Variants in NCAPG observed in about 807,000 individuals in gnomAD.
NCAPG encodes condensin complex subunit 3.
NCAPG carries 69 observed loss-of-function variants against 113.1 expected under a neutral mutation model. The observed-to-expected ratio is 0.61, with a 90% CI of 0.50 to 0.75. NCAPG has a LOEUF of 0.75. NCAPG is among the 30% of genes least tolerant of loss of function. The pLI, the probability that NCAPG is intolerant of heterozygous loss-of-function variation, is 0.00. For synonymous variants in NCAPG, 370 were observed against 415.8 expected (o/e 0.89, Z 1.34); for missense variants, 1,058 against 1,177.0 (o/e 0.90, Z 1.48).
At chr4:17,838,046 C>T (rs544823640) in intron 16 of NCAPG, among the ~76,000 whole-genome samples, 2 of 152,252 alleles carry the variant, frequency 1.3e-5, no homozygotes, top group East Asian at 3.9e-4. Flanking sequence ...CACACCATGC[C>T]CACCTAGTAC....
At chr4:17,812,152 C>G in intron 1 of NCAPG, 69 bp from the exon 2 acceptor site, 1 of 1,166,532 alleles carries the variant, frequency 8.6e-7, no homozygotes, top group Non-Finnish European at 1.3e-6. Context: ...TTTCATCAGT[C>G]TTAGGGTGAT....
At chr4:17,812,769 T>G in intron 2 of NCAPG, 148 bp from the exon 3 acceptor site, 2 of 668,662 alleles carry the variant, frequency 3.0e-6, no homozygotes, top group Non-Finnish European at 5.1e-6. Context: ...TTGCTATACA[T>G]ATGGACCAAG....
intron 9 of NCAPG, among the ~76,000 whole-genome samples, chr4:17,824,095 AC>A (rs1721562629): frequency 1.3e-5 from 2 of 152,218 alleles, no homozygotes; most frequent in South Asian, 2.1e-4. Context: ...AATTGTACAT[AC>A]TAGGGTTTAG....
At chr4:17,824,905 G>C in intron 9 of NCAPG, 63 bp from the exon 10 acceptor site, 1 of 1,189,732 alleles carries the variant, frequency 8.4e-7, no homozygotes, top group Non-Finnish European at 1.2e-6. Flanking sequence ...GTTTTATATA[G>C]AATTTTGATA....
chr4:17,811,001 G>A lies in NCAPG; in HGVS notation c.-77G>A. ...GCTGTCATAGAAGACTACTCGGAGA[G>A]CGCTGCCTCTGGGTTGGCGGGCTGG... On this transcript the variant is annotated 5_prime_UTR_variant, in exon 1 of 21. Coordinates refer to ENST00000251496, the MANE Select transcript of NCAPG (RefSeq NM_022346.5). The surrounding 1 kb of genome is among the most constrained non-coding windows in gnomAD (Gnocchi z 5.3). The A allele has an allele frequency of 1.2e-6, 1 of 823,750 alleles. No homozygotes were observed. The highest frequency in any genetic ancestry group is 3.6e-5 in the Admixed American group (1 of 28,152). The allele number at this position is 823,750 out of a possible 1,614,324, so 51.0% of individuals were successfully genotyped here. A position where few individuals can be genotyped will look rare whatever the true frequency, so the allele number is the denominator to read the frequency against.
rs898518440 is a variant in NCAPG at position 17,835,755 on chromosome 4, G to A, written c.2109+1232G>A. Among the ~76,000 whole-genome samples the A allele has an allele frequency of 2.6e-5, 4 of 152,086 alleles. No individual in the cohort carries two copies. In the East Asian group the frequency reaches 7.7e-4, roughly 29 times the overall value. On this transcript the variant is annotated intron_variant, in intron 14 of 20. Transcript: ENST00000251496. ...ACCTCTGTTTAGCTTTTTAAATTTA[G>A]CATAACATTTTCGAGATTCATCCAC...
intron 19 of NCAPG, 144 bp from the exon 20 acceptor site, chr4:17,842,166 C>A: frequency 1.6e-6 from 1 of 610,054 alleles, no homozygotes. Context: ...ATAACTGGTA[C>A]CAAGATGGCT....
intron 12 of NCAPG, 58 bp downstream of exon 12, chr4:17,828,446 G>T: frequency 1.1e-6 from 1 of 941,804 alleles, no homozygotes; most frequent in Non-Finnish European, 1.6e-6. Context: ...TTTTGTAAGT[G>T]ATATGTTCTT....
intron 12 of NCAPG, among the ~76,000 whole-genome samples, 198 bp from the exon 13 acceptor site, chr4:17,830,799 G>A (rs1204432889): frequency 6.6e-6 from 1 of 152,096 alleles, no homozygotes; most frequent in Admixed American, 6.6e-5. Flanking sequence ...AAACCATTGA[G>A]TCCCTTTTAG....
At chr4:17,841,159 C>CTATT (rs1722364740) in intron 19 of NCAPG, 1 of 151,904 alleles carries the variant, frequency 6.6e-6, no homozygotes, top group Admixed American at 6.6e-5. Context: ...TAAATGCTGA[C>CTATT]TATTAGGGGG....
intron 19 of NCAPG, among the ~76,000 whole-genome samples, chr4:17,841,032 T>A (rs982401135): frequency 6.6e-6 from 1 of 152,024 alleles, no homozygotes; most frequent in African/African-American, 2.4e-5. Context: ...TAAGCATTTT[T>A]AAAAAATCCC....
In NCAPG at chr4:17,823,812, A is replaced by G. The variant is rs753844106; in HGVS notation, c.1383+42A>G. On this transcript the variant is annotated intron_variant, in intron 9 of 20. Transcript: ENST00000251496. The stretch of plus-strand genomic sequence containing the variant: ...ATTGTTGATAAAGAGGTTTTGGTCA[A>G]TGACATTGAATACTGTCTTATTTTC... 6.7e-6 allele frequency: 10 copies of G among 1,491,994 alleles called. No homozygotes were observed. In the Admixed American group the frequency reaches 9.2e-5, roughly 14 times the overall value. 92.4% of individuals were successfully genotyped at this position (1,491,994 alleles called of 1,614,324 possible). A position where few individuals can be genotyped will look rare whatever the true frequency, so the allele number is the denominator to read the frequency against.
chr4:17,816,864 A>G (rs1470577458), intron 5 of NCAPG, among the ~76,000 whole-genome samples: 1 of 152,018 alleles, frequency 6.6e-6, no homozygotes, highest in Non-Finnish European at 1.5e-5. Flanking sequence ...GCTGGGCGCT[A>G]TGGCTCACAC....
chr4:17,823,416 T>C (rs1487937095), intron 8 of NCAPG, among the ~76,000 whole-genome samples: 1 of 152,118 alleles, frequency 6.6e-6, no homozygotes, highest in Non-Finnish European at 1.5e-5. Flanking sequence ...TTTTGTCATT[T>C]TATCATGTTG....
chr4:17,837,681 C>T lies in NCAPG; in HGVS notation c.2346C>T (p.Ala782=), dbSNP rs775436414. 21 of 1,613,984 alleles carry T rather than the reference C, an allele frequency of 1.3e-5. No individual in the cohort carries two copies. The highest frequency in any genetic ancestry group is 4.5e-5 in the East Asian group (2 of 44,874). The stretch of plus-strand genomic sequence containing the variant: ...TTCTTCCAACCCTGCAAACACTGGC[C>T]AATGCCCCTGCATCTTCTCCTTTAG... ...EAFLPTLQTL[A]NAPASSPLAE... is the part of the protein sequence containing the mutation. The change falls in exon 16 of 21, where the codon GCC becomes GCT. Residue 782 remains alanine, a synonymous_variant. Coordinates refer to ENST00000251496, the MANE Select transcript of NCAPG (RefSeq NM_022346.5).
chr4:17,840,475 G>C, intron 18 of NCAPG, 132 bp from the exon 19 acceptor site: 1 of 615,908 alleles, frequency 1.6e-6, no homozygotes, highest in Non-Finnish European at 2.5e-6. Flanking sequence ...TCGAAAGGGT[G>C]ATTTATAACT....
chr4:17,828,160 A>G (rs1352879233), intron 11 of NCAPG, 118 bp from the exon 12 acceptor site: 2 of 512,272 alleles, frequency 3.9e-6, no homozygotes, highest in South Asian at 4.2e-5. Flanking sequence ...TAGCTGTAAG[A>G]TCACCTACAG....
intron 7 of NCAPG, among the ~76,000 whole-genome samples, chr4:17,821,457 C>CT (rs34483824): frequency 0.069 from 7,201 of 104,432 alleles, 545 homozygotes; most frequent in African/African-American, 0.18. Flanking sequence ...TCACCCCCGC[C>CT]TTTTTTTTTT....
At chr4:17,837,074 TA>T (rs1722128865) in intron 14 of NCAPG, 84 bp from the exon 15 acceptor site, 1 of 1,229,036 alleles carries the variant, frequency 8.1e-7, no homozygotes, top group Non-Finnish European at 1.1e-6. Flanking sequence ...ATGGTTCGTG[TA>T]AAAATACTGT....
Sources: gnomAD v4.1 joint callset for allele counts (sites outside exome capture counted in the v4.1 genomes callset) on GRCh38, gnomAD v4.1.1 for gene constraint, Gnocchi (gnomAD v3.1) non-coding constraint, MANE v1.5 for transcripts, NCBI Gene and HGNC (gene_info 2026-07-23, HGNC 2026-07-21) for gene names.